Variants in CEP350 observed in about 807,000 individuals in gnomAD.
The protein encoded by CEP350 is centrosome-associated protein 350.
A neutral mutation model predicts 331.8 loss-of-function variants in CEP350; 126 were observed. The observed-to-expected ratio is 0.38, with a 90% confidence interval of 0.33 to 0.44. The LOEUF (loss-of-function observed/expected upper bound fraction) is 0.44, where lower values mean the gene tolerates loss of function less well. Ranked by LOEUF, CEP350 falls within the 20% of genes least tolerant of loss-of-function variation. The pLI is 1.00. For missense variants in CEP350, 3,406 were observed against 3,634.6 expected, an observed-to-expected ratio of 0.94 and a Z score of 1.62; for synonymous variants, 1,200 against 1,259.5, an observed-to-expected ratio of 0.95 and a Z score of 1.00.
At position 180,013,878 on chromosome 1, in the gene CEP350, C is replaced by T. The variant is rs150776185; in HGVS notation, c.1425C>T (p.Pro475=). The T allele has an allele frequency of 1.7e-4, 273 of 1,612,122 alleles. No individual in the cohort carries two copies. Among genetic ancestry groups the T allele is most frequent in the Non-Finnish European group, 1.4e-4 (160 of 1,179,208 alleles). Residue 475 remains proline (P), a synonymous_variant, in exon 10 of 38, where the codon CCC becomes CCT. Coordinates refer to ENST00000367607, the MANE Select transcript of CEP350 (RefSeq NM_014810.5). The stretch of plus-strand genomic sequence containing the variant: ...ACATTGGAAGAGCAGAATCTGATCC[C>T]AGGTTGGACGTTTTACATAGACATC... ...GGHIGRAESD[P]RLDVLHRHLQ...
intron 1 of CEP350, among the ~76,000 whole-genome samples, chr1:179,965,615 C>CTTTTTTTTTTTTTTTTTTTTTTTTTT (rs747027286): frequency 1.2e-5 from 1 of 84,420 alleles, no homozygotes; most frequent in Non-Finnish European, 2.2e-5. Context: ...TTTTTCTTTT[C>CTTTTTTTTTTTTTTTTTTTTTTTTTT]TTTTTTTTTT....
At chr1:180,047,109 G>T (rs904889511) in intron 21 of CEP350, among the ~76,000 whole-genome samples, 1 of 152,186 alleles carries the variant, frequency 6.6e-6, no homozygotes, top group Non-Finnish European at 1.5e-5. Context: ...GATCCATGGA[G>T]TTTCTTAGAA....
intron 32 of CEP350, among the ~76,000 whole-genome samples, chr1:180,088,324 TATC>T (rs746755208): frequency 1.6e-4 from 24 of 152,058 alleles, no homozygotes; most frequent in Non-Finnish European, 3.2e-4. Context: ...GAAGTCAGGT[TATC>T]ATATTTAAAT....
chr1:179,991,997 C>T (rs1653133585), intron 4 of CEP350, 65 bp from the exon 5 acceptor site: 2 of 1,414,566 alleles, frequency 1.4e-6, no homozygotes, highest in Non-Finnish European at 1.8e-6. Flanking sequence ...TTTTAAGATA[C>T]CAGCCTAATT....
intron 16 of CEP350, 86 bp from the exon 17 acceptor site, chr1:180,036,840 A>G: frequency 7.2e-7 from 1 of 1,393,246 alleles, no homozygotes; most frequent in Non-Finnish European, 9.4e-7. Context: ...AGCAAAGTTG[A>G]TTTTGGCTCT....
intron 30 of CEP350, 126 bp downstream of exon 30, chr1:180,080,787 T>A: frequency 1.3e-6 from 1 of 785,364 alleles, no homozygotes; most frequent in Non-Finnish European, 2.2e-6. Flanking sequence ...TTATGTAGGA[T>A]TGTGAAGAAG....
chr1:180,051,712 A>C, intron 22 of CEP350, among the ~76,000 whole-genome samples: 1 of 152,366 alleles, frequency 6.6e-6, no homozygotes, highest in East Asian at 1.9e-4. Context: ...GATACATGGC[A>C]TAACAACATT....
intron 25 of CEP350, among the ~76,000 whole-genome samples, chr1:180,059,044 C>A (rs1658040857): frequency 6.6e-6 from 1 of 152,148 alleles, no homozygotes; most frequent in African/African-American, 2.4e-5. Flanking sequence ...GTGAACAGTT[C>A]ATTTGTACAA....
intron 14 of CEP350, among the ~76,000 whole-genome samples, chr1:180,026,968 C>T (rs1655717144): frequency 1.3e-5 from 2 of 152,130 alleles, no homozygotes; most frequent in Non-Finnish European, 2.9e-5. Context: ...CCTGCTTTAC[C>T]CAGATACAGA....
intron 12 of CEP350, among the ~76,000 whole-genome samples, chr1:180,021,489 A>C (rs1655319095): frequency 6.6e-6 from 1 of 152,140 alleles, no homozygotes. Flanking sequence ...CCCCACCATT[A>C]CTAAAAATAC....
Position 180,048,632 on chromosome 1 carries a change from T to A in CEP350, c.4719T>A (p.Ile1573=), listed in dbSNP as rs1571920359. 1 of 1,611,390 alleles carries A rather than the reference T, an allele frequency of 6.2e-7. No homozygotes were observed. Among genetic ancestry groups the A allele is most frequent in the Admixed American group, 1.7e-5 (1 of 59,980 alleles). Residue 1573 remains isoleucine, a synonymous_variant, in exon 22 of 38, where the codon ATT becomes ATA. Coordinates refer to ENST00000367607, the MANE Select transcript of CEP350 (RefSeq NM_014810.5). The part of the protein sequence containing the change: ...KLNGEKIESS[I]DEQVQTAADD... ...ATGGTGAAAAGATAGAGAGTTCCATTGATGAACAGGTTCAGACTGCTGCAG... is the reference window on the plus strand; with the variant it reads ...ATGGTGAAAAGATAGAGAGTTCCATAGATGAACAGGTTCAGACTGCTGCAG...
chr1:179,956,394 G>C (rs1650171999), intron 1 of CEP350, among the ~76,000 whole-genome samples: 1 of 152,168 alleles, frequency 6.6e-6, no homozygotes, highest in Admixed American at 6.6e-5. Flanking sequence ...TGTGTATGTA[G>C]AGATGGCAAG....
chr1:180,084,108 A>G lies in CEP350; in HGVS notation c.6215A>G (p.Lys2072Arg). The G allele has an allele frequency of 6.3e-7, 1 of 1,591,712 alleles. No individual in the cohort carries two copies. Among genetic ancestry groups the G allele is most frequent in the Admixed American group, 1.8e-5 (1 of 56,642 alleles). The change falls in exon 31 of 38, where the codon AAG becomes AGG. Residue 2072 changes from lysine to arginine, a missense_variant. Lys to Arg is a conservative substitution (Grantham distance 26). This residue lies in a region of CEP350 where 1,415 missense variants were observed against 1,512.3 expected (regional missense o/e 0.94). Coordinates refer to ENST00000367607, the MANE Select transcript of CEP350 (RefSeq NM_014810.5). ...RKRKSVVNQL[K>R]KEQKKRQKER... The stretch of plus-strand genomic sequence containing the variant: ...AGAAAATCAGTTGTGAACCAGCTGA[A>G]GAAGGAACAGAAAAAAAGGCAAAAG...
chr1:180,001,054 A>G (rs751781909), intron 6 of CEP350, among the ~76,000 whole-genome samples: 1 of 152,202 alleles, frequency 6.6e-6, no homozygotes, highest in Non-Finnish European at 1.5e-5. Context: ...TTATACTTAC[A>G]AAGTACTACT....
chr1:179,955,427 C>T (rs751702207), intron 1 of CEP350, among the ~76,000 whole-genome samples: 8 of 152,180 alleles, frequency 5.3e-5, no homozygotes, highest in African/African-American at 1.9e-4. Context: ...AGGTAAGATA[C>T]CTCTAGCCTT....
Position 180,035,998 on chromosome 1 carries a change from C to T in CEP350, c.3947-928C>T, listed in dbSNP as rs532585399. On this transcript the variant is annotated intron_variant, in intron 16 of 37. Transcript: ENST00000367607. ...GATGCCATTAAGAACAGTTGTGATTCGTGGAAGGAGATCAAACTATGAGCA... is the reference window on the plus strand; with the variant it reads ...GATGCCATTAAGAACAGTTGTGATTTGTGGAAGGAGATCAAACTATGAGCA... Among the ~76,000 whole-genome samples the T allele has an allele frequency of 7.9e-5, 12 of 152,208 alleles. No homozygotes were observed. The South Asian group carries it at 2.3e-3, about 29-fold the overall frequency.
Position 180,053,115 on chromosome 1 carries a change from T to C in CEP350, c.4938T>C (p.Asp1646=). ...TGGAAAAGAGAAGAGGTCATCATGA[T>C]GACTCTGATGAAGAAGCTTCTCCAG... ...FNMEKRRGHH[D]DSDEEASPEK... is the part of the protein sequence containing the mutation. The change falls in exon 23 of 38, where the codon GAT becomes GAC. Residue 1646 remains aspartate (D), a synonymous_variant. Coordinates refer to ENST00000367607, the MANE Select transcript of CEP350 (RefSeq NM_014810.5). 6.2e-7 allele frequency: 1 copy of C among 1,606,224 alleles called. No individual in the cohort carries two copies. Among genetic ancestry groups the C allele is most frequent in the South Asian group, 1.1e-5 (1 of 89,466 alleles).
At chr1:180,021,763 T>C (rs1260930089) in intron 12 of CEP350, among the ~76,000 whole-genome samples, 1 of 152,232 alleles carries the variant, frequency 6.6e-6, no homozygotes, top group Non-Finnish European at 1.5e-5. Flanking sequence ...GTAACATTTC[T>C]AATATGAAAA....
rs139998756 is a variant in CEP350, at chr1:180,029,628, C to T, written c.3551-1692C>T. Among the ~76,000 whole-genome samples, 25 of 152,256 alleles carry T rather than the reference C, an allele frequency of 1.6e-4. No individual in the cohort carries two copies. In the East Asian group the frequency reaches 3.9e-3, roughly 24 times the overall value. On this transcript the variant is annotated intron_variant, in intron 14 of 37. Transcript: ENST00000367607. ...ATTCAGCAATAACTCTCCATTCCTC[C>T]GTCCCTTCAGTTCTGGCAACCACCA...
Sources: allele counts gnomAD v4.1 joint callset (sites outside exome capture counted in the v4.1 genomes callset), GRCh38; gene constraint gnomAD v4.1.1; regional missense constraint gnomAD v4.1.1; transcripts MANE v1.5; gene names NCBI Gene and HGNC (gene_info 2026-07-23, HGNC 2026-07-21).